PLS1: variants seen among roughly 807,000 people sequenced by gnomAD.
The protein encoded by PLS1 is plastin-1.
In PLS1, 32 loss-of-function variants were observed where a neutral mutation model predicts 73.7. That is an observed-to-expected ratio of 0.43 (90% CI 0.33 to 0.58). The LOEUF is 0.58. Among genes scored for constraint, PLS1 ranks in the 20% least tolerant of loss-of-function variants. PLS1 has a pLI of 0.04. For missense variants in PLS1, 633 were observed against 740.5 expected, an observed-to-expected ratio of 0.85 and a Z score of 1.68; for synonymous variants, 217 against 261.3, an observed-to-expected ratio of 0.83 and a Z score of 1.63.
At chr3:142,683,888 A>T in intron 6 of PLS1, 118 bp from the exon 7 acceptor site, 1 of 672,246 alleles carries the variant, frequency 1.5e-6, no homozygotes, top group Middle Eastern at 4.3e-4. Flanking sequence ...TTTTCGTTGT[A>T]TAAATATTAT....
rs533798317 is a variant in PLS1, at chr3:142,612,616, G to C, written c.-37+16107G>C. On this transcript the variant is annotated intron_variant, in intron 1 of 15. Coordinates refer to ENST00000457734, the MANE Select transcript of PLS1 (RefSeq NM_001145319.2). Reference sequence around the variant, plus strand: ...AATTTCCCTTCACCAGCCAGTTGTGGTGTTGTGCACCTATACTCCTAGCTA... The same window carrying C: ...AATTTCCCTTCACCAGCCAGTTGTGCTGTTGTGCACCTATACTCCTAGCTA... 2.0e-5 allele frequency among the ~76,000 whole-genome samples: 3 copies of C among 152,130 alleles called. No individual in the cohort carries two copies. In the East Asian group the frequency reaches 5.8e-4, roughly 29 times the overall value.
chr3:142,682,657 A>C (rs2037879828), intron 6 of PLS1, among the ~76,000 whole-genome samples: 1 of 152,202 alleles, frequency 6.6e-6, no homozygotes, highest in Admixed American at 6.5e-5. Flanking sequence ...TCACAACTGG[A>C]GCAAACATCA....
At chr3:142,663,316 G>A (rs1048188430) in intron 1 of PLS1, among the ~76,000 whole-genome samples, 3 of 152,182 alleles carry the variant, frequency 2.0e-5, no homozygotes, top group Non-Finnish European at 4.4e-5. Context: ...TTAATTTTCT[G>A]TTTGGGACAT....
intron 9 of PLS1, among the ~76,000 whole-genome samples, chr3:142,687,490 T>G (rs1016576654): frequency 1.3e-5 from 2 of 152,210 alleles, no homozygotes; most frequent in African/African-American, 4.8e-5. Flanking sequence ...TAATGACATA[T>G]TTCAGAAACA....
intron 5 of PLS1, among the ~76,000 whole-genome samples, chr3:142,677,459 A>G (rs1010321257): frequency 6.6e-6 from 1 of 152,040 alleles, no homozygotes; most frequent in Non-Finnish European, 1.5e-5. Context: ...CAGCCGGGCC[A>G]ACATGGTGAA....
chr3:142,710,511 G>C (rs1385602212), intron 14 of PLS1, among the ~76,000 whole-genome samples: 1 of 152,056 alleles, frequency 6.6e-6, no homozygotes, highest in East Asian at 1.9e-4. Flanking sequence ...TGCACTGTAT[G>C]CTTTATACAT....
At chr3:142,647,468 G>A (rs2036976456) in intron 1 of PLS1, among the ~76,000 whole-genome samples, 1 of 151,294 alleles carries the variant, frequency 6.6e-6, no homozygotes, top group Non-Finnish European at 1.5e-5. Context: ...ATCTTTTGTA[G>A]TCTGCCTGTT....
intron 10 of PLS1, among the ~76,000 whole-genome samples, chr3:142,691,151 T>C (rs866745625): frequency 2.0e-5 from 3 of 152,242 alleles, no homozygotes; most frequent in African/African-American, 4.8e-5. Flanking sequence ...CCTTGTCACC[T>C]CATAATTACA....
chr3:142,663,130 G>A (rs375433652), intron 1 of PLS1, among the ~76,000 whole-genome samples: 4 of 152,208 alleles, frequency 2.6e-5, no homozygotes, highest in East Asian at 3.9e-4. Context: ...CAGGAGAATC[G>A]CTTCAACCTG....
intron 1 of PLS1, among the ~76,000 whole-genome samples, chr3:142,632,441 AG>A (rs1477495397): frequency 3.9e-5 from 6 of 152,174 alleles, no homozygotes; most frequent in African/African-American, 7.2e-5. Context: ...AGTGTTGCTG[AG>A]GGGATGCAGA....
In PLS1 at chr3:142,704,569, T is replaced by G; in HGVS notation, c.1612T>G (p.Ser538Ala). The change falls in exon 14 of 16, where the codon TCT (serine) becomes GCT (alanine). Residue 538 changes from serine (S) to alanine (A), a missense_variant. Ser to Ala is a moderately conservative substitution (Grantham distance 99, BLOSUM62 1). Coordinates refer to ENST00000457734, the MANE Select transcript of PLS1 (RefSeq NM_001145319.2). ...TCTTAAAAGTGCAAACAAAAAGACT[T>G]CTATTTCCAGCTTCAAGGTAATCAA... is the stretch of plus-strand genomic sequence containing the variant. ...QTLKSANKKT[S>A]ISSFKDKSIS... The G allele has an allele frequency of 6.3e-7, 1 of 1,594,514 alleles. No homozygotes were observed. The highest frequency in any genetic ancestry group is 8.6e-7 in the Non-Finnish European group (1 of 1,169,438).
intron 12 of PLS1, 89 bp downstream of exon 12, chr3:142,698,156 C>A: frequency 1.3e-6 from 1 of 740,884 alleles, no homozygotes; most frequent in Non-Finnish European, 2.3e-6. Context: ...CGTGCTCTGT[C>A]CCCACAATTC....
At chr3:142,658,130 T>C (rs2037282119) in intron 1 of PLS1, among the ~76,000 whole-genome samples, 1 of 152,172 alleles carries the variant, frequency 6.6e-6, no homozygotes, top group South Asian at 2.1e-4. Flanking sequence ...CTTCCTAGAT[T>C]GAGCAGACAT....
chr3:142,609,446 A>G lies in PLS1; in HGVS notation c.-37+12937A>G, dbSNP rs539661361. ...CTGGATGATCACGTACAGCTCTGAA[A>G]TGCTTTGGCCTAGAGTGACAAATAT... On this transcript the variant is annotated intron_variant, in intron 1 of 15. Transcript: ENST00000457734. Among the ~76,000 whole-genome samples, 3 of 152,354 alleles carry G rather than the reference A, an allele frequency of 2.0e-5. No individual in the cohort carries two copies. The South Asian group carries it at 6.2e-4, about 32-fold the overall frequency.
chr3:142,692,991 A>G (rs1309924440), intron 10 of PLS1, among the ~76,000 whole-genome samples: 2 of 152,142 alleles, frequency 1.3e-5, no homozygotes, highest in Admixed American at 1.3e-4. Context: ...AATTCCTACA[A>G]ATAAGGCTGG....
Position 142,685,509 on chromosome 3 carries a change from C to T in PLS1, c.889-775C>T, listed in dbSNP as rs137903003. On this transcript the variant is annotated intron_variant, in intron 8 of 15. Coordinates refer to ENST00000457734, the MANE Select transcript of PLS1 (RefSeq NM_001145319.2). ...TACTAACTCGATTACATTCAGCTGT[C>T]AGTTGGGCTCATCTGGAAAGTACAC... is the stretch of plus-strand genomic sequence containing the variant. Among the ~76,000 whole-genome samples the T allele has an allele frequency of 7.0e-4, 106 of 152,254 alleles. 2 individuals are homozygous for T. The East Asian group carries it at 0.013, about 18-fold the overall frequency.
chr3:142,709,053 T>C (rs185833452), intron 14 of PLS1, among the ~76,000 whole-genome samples: 3 of 152,228 alleles, frequency 2.0e-5, no homozygotes, highest in Admixed American at 6.5e-5. Flanking sequence ...AATAAGTCAC[T>C]TGTATTTTAA....
intron 2 of PLS1, among the ~76,000 whole-genome samples, chr3:142,664,935 T>C (rs2037446744): frequency 6.6e-6 from 1 of 152,190 alleles, no homozygotes; most frequent in South Asian, 2.1e-4. Flanking sequence ...CAATTTGCTC[T>C]TAGGAAACCC....
At chr3:142,686,797 G>A (rs2037979119) in intron 9 of PLS1, among the ~76,000 whole-genome samples, 2 of 152,180 alleles carry the variant, frequency 1.3e-5, no homozygotes, top group South Asian at 2.1e-4. Flanking sequence ...CTATCATGAC[G>A]GAAGAAAGGG....
Sources: gnomAD v4.1 joint callset for allele counts (sites outside exome capture counted in the v4.1 genomes callset) on GRCh38, gnomAD v4.1.1 for gene constraint, MANE v1.5 for transcripts, NCBI Gene and HGNC (gene_info 2026-07-23, HGNC 2026-07-21) for gene names.